Variants in RGS6 observed in about 807,000 individuals in gnomAD.
RGS6 encodes regulator of G protein signaling 6.
A neutral mutation model predicts 78.5 loss-of-function variants in RGS6; 30 were observed. The observed-to-expected ratio is 0.38, with a 90% confidence interval of 0.29 to 0.52. The LOEUF (loss-of-function observed/expected upper bound fraction) is 0.52, where lower values mean the gene tolerates loss of function less well. Among genes scored for constraint, RGS6 ranks in the 20% least tolerant of loss-of-function variants. The probability of loss-of-function intolerance (pLI) is 0.85; values close to 1 mark genes in which losing one functional copy is unlikely to be tolerated. For synonymous variants in RGS6, 206 were observed against 206.0 expected (o/e 1.00, Z 0.00); for missense variants, 495 against 609.7 (o/e 0.81, Z 1.98).
chr14:72,124,496 C>T (rs1207336097), intron 2 of RGS6, among the ~76,000 whole-genome samples: 1 of 152,114 alleles, frequency 6.6e-6, no homozygotes, highest in Non-Finnish European at 1.5e-5. Context: ...CTTAACTGCA[C>T]AAGACAAATT....
chr14:72,113,183 T>C (rs1208433423), intron 2 of RGS6, among the ~76,000 whole-genome samples: 1 of 152,208 alleles, frequency 6.6e-6, no homozygotes, highest in Non-Finnish European at 1.5e-5. Flanking sequence ...TGGATGACTA[T>C]GGTGGTGGTG....
At chr14:72,076,970 A>AT (rs1491287018) in intron 2 of RGS6, among the ~76,000 whole-genome samples, 199 of 148,540 alleles carry the variant, frequency 1.3e-3, no homozygotes, top group African/African-American at 4.7e-3. Flanking sequence ...ATATATATAT[A>AT]AATGTTATAT....
At chr14:72,228,882 CG>C (rs764300906) in intron 2 of RGS6, among the ~76,000 whole-genome samples, 4 of 152,190 alleles carry the variant, frequency 2.6e-5, no homozygotes, top group Admixed American at 2.6e-4. Flanking sequence ...GGTAAAACTC[CG>C]TCTCTACTAA....
At chr14:72,066,474 ATATTT>A (rs997873829) in intron 2 of RGS6, among the ~76,000 whole-genome samples, 3 of 149,186 alleles carry the variant, frequency 2.0e-5, no homozygotes, top group African/African-American at 7.4e-5. Flanking sequence ...ATATAAAGAT[ATATTT>A]TATTTAATCT....
chr14:71,944,285 G>A lies in RGS6; in HGVS notation c.-21+11344G>A, dbSNP rs574839040. Among the ~76,000 whole-genome samples the A allele has an allele frequency of 4.6e-5, 7 of 152,310 alleles. No homozygotes were observed. The East Asian group carries it at 9.6e-4, about 21-fold the overall frequency. On this transcript the variant is annotated intron_variant, in intron 1 of 17. Coordinates refer to ENST00000553525, the MANE Select transcript of RGS6 (RefSeq NM_001204424.2). ...TTTTGCAAATCAAAGTCCTTTAAGAGATGTTGGGTGGTATTATGCCCATTT... is the reference window on the plus strand; with the variant it reads ...TTTTGCAAATCAAAGTCCTTTAAGAAATGTTGGGTGGTATTATGCCCATTT...
intron 3 of RGS6, among the ~76,000 whole-genome samples, chr14:72,451,307 G>A (rs1455556106): frequency 6.6e-6 from 1 of 152,092 alleles, no homozygotes; most frequent in East Asian, 1.9e-4. Context: ...ATGGGGCTAG[G>A]GAAAAAAGGA....
the RGS6 span, among the ~76,000 whole-genome samples, chr14:72,613,496 G>A: frequency 1.3e-5 from 2 of 152,196 alleles, no homozygotes; most frequent in Non-Finnish European, 2.9e-5. Flanking sequence ...GGGAACTGTG[G>A]AAGGTCCCTC....
intron 2 of RGS6, among the ~76,000 whole-genome samples, chr14:72,255,997 A>G (rs191069674): frequency 3.9e-5 from 6 of 152,342 alleles, no homozygotes; most frequent in Admixed American, 1.3e-4. Flanking sequence ...TTAAATTTAA[A>G]TAATGAACCA....
chr14:72,272,522 T>G (rs919436571), intron 2 of RGS6, among the ~76,000 whole-genome samples: 2 of 152,218 alleles, frequency 1.3e-5, no homozygotes, highest in African/African-American at 2.4e-5. Flanking sequence ...GGGAATGTAC[T>G]GGAAATGGAG....
chr14:71,973,947 G>A (rs1303235971), intron 2 of RGS6, among the ~76,000 whole-genome samples: 1 of 152,132 alleles, frequency 6.6e-6, no homozygotes, highest in Non-Finnish European at 1.5e-5. Context: ...TTTTTAGTGT[G>A]GGGAATAGCT....
At chr14:72,544,090 T>TG (rs1291569734) in intron 17 of RGS6, among the ~76,000 whole-genome samples, 2 of 151,772 alleles carry the variant, frequency 1.3e-5, no homozygotes, top group South Asian at 2.1e-4. Context: ...CACAGTGGGG[T>TG]GGGGGGCCTC....
At chr14:72,119,939 G>C (rs2096005561) in intron 2 of RGS6, among the ~76,000 whole-genome samples, 1 of 152,204 alleles carries the variant, frequency 6.6e-6, no homozygotes, top group Non-Finnish European at 1.5e-5. Context: ...GCAAAGGTGA[G>C]GAGTGGAGTG....
At chr14:72,550,800 C>T in intron 17 of RGS6, 1 of 551,882 alleles carries the variant, frequency 1.8e-6, no homozygotes, top group Non-Finnish European at 2.8e-6. Context: ...TTAATCATAG[C>T]TTGCTTGCTT....
At chr14:72,074,371 AG>A (rs2094505808) in intron 2 of RGS6, among the ~76,000 whole-genome samples, 1 of 151,808 alleles carries the variant, frequency 6.6e-6, no homozygotes, top group African/African-American at 2.4e-5. Flanking sequence ...GATTTTTTGT[AG>A]GGGTGGGTAG....
intron 2 of RGS6, among the ~76,000 whole-genome samples, chr14:72,001,504 ACACACACACACACACACAACG>A (rs2083425408): frequency 7.1e-6 from 1 of 141,618 alleles, no homozygotes; most frequent in Non-Finnish European, 1.5e-5. Context: ...ACACACACAC[ACACACACACACACACACAACG>A]CAGCAACAAC....
rs374019597 is a variant in RGS6, at chr14:72,140,505, A to G, written c.84+175630A>G. Among the ~76,000 whole-genome samples the G allele has an allele frequency of 1.8e-4, 27 of 152,256 alleles. No individual in the cohort carries two copies. The South Asian group carries it at 5.6e-3, about 32-fold the overall frequency. On this transcript the variant is annotated intron_variant, in intron 2 of 17. Coordinates refer to ENST00000553525, the MANE Select transcript of RGS6 (RefSeq NM_001204424.2). ...GCCATAGGACTCAGCAAGCCATGCT[A>G]TTTACTGTCATCTTAGAGGGCTAGG... is the stretch of plus-strand genomic sequence containing the variant.
At chr14:72,257,815 C>A (rs1332879728) in intron 2 of RGS6, among the ~76,000 whole-genome samples, 1 of 152,190 alleles carries the variant, frequency 6.6e-6, no homozygotes, top group Non-Finnish European at 1.5e-5. Flanking sequence ...AAGCCTCCCC[C>A]TCTGTGTCAT....
intron 13 of RGS6, among the ~76,000 whole-genome samples, chr14:72,503,896 G>T (rs1032821789): frequency 1.3e-5 from 2 of 152,190 alleles, no homozygotes; most frequent in African/African-American, 2.4e-5. Flanking sequence ...CCAGGCTGGG[G>T]TTCCTCACCT....
intron 1 of RGS6, among the ~76,000 whole-genome samples, chr14:71,962,993 C>G (rs938418031): frequency 1.3e-5 from 2 of 152,178 alleles, no homozygotes; most frequent in Non-Finnish European, 2.9e-5. Flanking sequence ...CAGGCAGCCT[C>G]TTAGATGAGG....
Sources: allele counts gnomAD v4.1 joint callset (sites outside exome capture counted in the v4.1 genomes callset), GRCh38; gene constraint gnomAD v4.1.1; transcripts MANE v1.5; gene names NCBI Gene and HGNC (gene_info 2026-07-23, HGNC 2026-07-21).